The following HOXB1 variants were observed in gnomAD, a reference collection of about 807,000 sequenced individuals.
HOXB1 encodes the protein homeobox B1, also known as homeobox protein Hox-B1.
Under a neutral mutation model 26.9 loss-of-function variants are expected in HOXB1, and 13 were observed. That is an observed-to-expected ratio of 0.48 (90% confidence interval 0.31 to 0.77). The LOEUF (loss-of-function observed/expected upper bound fraction) is 0.77. HOXB1 is among the 30% of genes least tolerant of loss of function. The pLI is 0.04. For synonymous variants in HOXB1, 168 were observed against 170.8 expected (o/e 0.98, Z 0.13); for missense variants, 366 against 403.6 (o/e 0.91, Z 0.80).
At position 48,528,835 on chromosome 17, in the gene HOXB1, C is replaced by T. The variant is rs2068413478; in HGVS notation, c.*712G>A. ...CTGGGGGCAGGCCTTGCACGGCGTT[C>T]CAGAAGTCTCTGGAATACCAAGTTC... On this transcript the variant is annotated 3_prime_UTR_variant, in exon 2 of 2. Coordinates refer to ENST00000239174, the MANE Select transcript of HOXB1 (RefSeq NM_002144.4). 1 of 152,142 alleles carries T rather than the reference C, an allele frequency of 6.6e-6. No homozygotes were observed. The highest frequency in any genetic ancestry group is 2.1e-4 in the South Asian group (1 of 4,818). The allele number at this position is 152,142 out of a possible 1,614,324, so 9.4% of individuals were successfully genotyped here.
In HOXB1 at chr17:48,530,023, C is replaced by T. The variant is rs939805050; in HGVS notation, c.578-148G>A. On this transcript the variant is annotated intron_variant, in intron 1 of 1. Coordinates refer to ENST00000239174, the MANE Select transcript of HOXB1 (RefSeq NM_002144.4). The surrounding 1 kb of genome is among the most constrained non-coding windows in gnomAD (Gnocchi z 6.2). ...GTTCCCAGGGACCACCAGGTACCCC[C>T]ATGGTGATCACCAAGTCTGGAGCAG... The T allele has an allele frequency of 8.7e-6, 6 of 687,162 alleles. No individual in the cohort carries two copies. Among genetic ancestry groups the T allele is most frequent in the African/African-American group, 7.2e-5 (4 of 55,570 alleles). 42.6% of individuals were successfully genotyped at this position (687,162 alleles called of 1,614,324 possible).
At chr17:48,529,903 G>T in intron 1 of HOXB1, 28 bp from the exon 2 acceptor site, 1 of 1,520,638 alleles carries the variant, frequency 6.6e-7, no homozygotes, top group South Asian at 1.2e-5. Flanking sequence ...AGAAAGGCCA[G>T]GTCAATTCTC....
chr17:48,529,429 A>G lies in HOXB1; in HGVS notation c.*118T>C. ...CCAGGCAGCTCTAAACTGGCATTTC[A>G]GCCCTAGAGAGGATCCCCAGGCCAG... On this transcript the variant is annotated 3_prime_UTR_variant, in exon 2 of 2. Coordinates refer to ENST00000239174, the MANE Select transcript of HOXB1 (RefSeq NM_002144.4). 1 of 688,616 alleles carries G rather than the reference A, an allele frequency of 1.5e-6. No individual in the cohort carries two copies. Among genetic ancestry groups the G allele is most frequent in the Non-Finnish European group, 2.2e-6 (1 of 455,684 alleles). 42.7% of individuals were successfully genotyped at this position (688,616 alleles called of 1,614,324 possible).
chr17:48,530,501 C>T lies in HOXB1; in HGVS notation c.404G>A (p.Gly135Glu). 6.2e-7 allele frequency: 1 copy of T among 1,614,048 alleles called. No individual in the cohort carries two copies. Among genetic ancestry groups the T allele is most frequent in the Non-Finnish European group, 8.5e-7 (1 of 1,179,950 alleles). Residue 135 changes from glycine (G) to glutamate (E), a missense_variant, in exon 1 of 2, where the codon GGG becomes GAG. Gly to Glu is a moderately conservative substitution (Grantham distance 98). Coordinates refer to ENST00000239174, the MANE Select transcript of HOXB1 (RefSeq NM_002144.4). The surrounding 1 kb of genome is among the most constrained non-coding windows in gnomAD (Gnocchi z 6.2). ...AGGGGGATGCTGCGGAGGATATGGCCCCGGACCGGCTCCACCTGCTCCGTA... is the reference window on the plus strand; with the variant it reads ...AGGGGGATGCTGCGGAGGATATGGCTCCGGACCGGCTCCACCTGCTCCGTA... ...DGYGAGGAGP[G>E]PYPPQHPPYG... is the part of the protein sequence containing the mutation.
rs751611344 is a variant in HOXB1 at position 48,530,444 on chromosome 17, G to A, written c.461C>T (p.Pro154Leu). ...YGNEQTASFA[P>L]AYADLLSEDK... ...CTCGGAGAGGAGATCAGCATAGGCC[G>A]GTGCAAAGCTCGCGGTCTGCTCGTT... The change falls in exon 1 of 2, where the codon CCG (proline) becomes CTG (leucine). Residue 154 changes from proline to leucine, a missense_variant. Transcript: ENST00000239174. This position sits in a 1 kb window ranked among gnomAD's most constrained non-coding sequence, Gnocchi z 6.2. 13 of 1,614,046 alleles carry A rather than the reference G, an allele frequency of 8.1e-6. No homozygotes were observed. The highest frequency in any genetic ancestry group is 3.3e-5 in the Admixed American group (2 of 60,002).
chr17:48,530,598 G>C lies in HOXB1; in HGVS notation c.307C>G (p.Gln103Glu), dbSNP rs754648348. 10 of 1,614,038 alleles carry C rather than the reference G, an allele frequency of 6.2e-6. No individual in the cohort carries two copies. The highest frequency in any genetic ancestry group is 8.5e-6 in the Non-Finnish European group (10 of 1,179,986). Residue 103 changes from glutamine to glutamate, a missense_variant, in exon 1 of 2, where the codon CAA becomes GAA. Coordinates refer to ENST00000239174, the MANE Select transcript of HOXB1 (RefSeq NM_002144.4). This position sits in a 1 kb window ranked among gnomAD's most constrained non-coding sequence, Gnocchi z 6.2. ...YGPSQYYPLG[Q>E]SEGDGGYFHP... ...AAATAGCCTCCGTCTCCTTCTGATT[G>C]ACCCAGAGGGTAGTACTGAGAAGGC...
rs1393885598 is a variant in HOXB1 at position 48,529,644 on chromosome 17, G to T, written c.809C>A (p.Pro270Gln). The T allele has an allele frequency of 6.2e-7, 1 of 1,607,948 alleles. No homozygotes were observed. Among genetic ancestry groups the T allele is most frequent in the Non-Finnish European group, 8.5e-7 (1 of 1,175,538 alleles). Residue 270 changes from proline to glutamine, a missense_variant, in exon 2 of 2, where the codon CCA becomes CAA. By Grantham distance (76) the Pro-to-Gln change is moderately conservative (BLOSUM62 -1). Coordinates refer to ENST00000239174, the MANE Select transcript of HOXB1 (RefSeq NM_002144.4). ...CTCCTTGGGGCAGCCTGGTGGGGCT[G>T]GGGGGACCCGACCTTCCTCTCGCTC... ...KREREEGRVP[P>Q]APPGCPKEAA... is the part of the protein sequence containing the mutation.
In HOXB1 at chr17:48,529,428, C is replaced by A. The variant is rs1306333436; in HGVS notation, c.*119G>T. 36 of 596,966 alleles carry A rather than the reference C, an allele frequency of 6.0e-5. No individual in the cohort carries two copies. The highest frequency in any genetic ancestry group is 7.7e-5 in the Admixed American group (2 of 25,960). 37.0% of individuals were successfully genotyped at this position (596,966 alleles called of 1,614,324 possible). ...CCCAGGCAGCTCTAAACTGGCATTT[C>A]AGCCCTAGAGAGGATCCCCAGGCCA... On this transcript the variant is annotated 3_prime_UTR_variant, in exon 2 of 2. Transcript: ENST00000239174.
At chr17:48,529,940 C>A in intron 1 of HOXB1, 65 bp from the exon 2 acceptor site, 5 of 1,381,416 alleles carry the variant, frequency 3.6e-6, no homozygotes, top group Non-Finnish European at 3.9e-6. Context: ...CCGCTTCCCT[C>A]CTCCCGGGGC....
In HOXB1 at chr17:48,530,696, G is replaced by C. The variant is rs1370259338; in HGVS notation, c.209C>G (p.Ser70Trp). The C allele has an allele frequency of 1.2e-6, 2 of 1,612,852 alleles. No individual in the cohort carries two copies. The highest frequency in any genetic ancestry group is 3.3e-5 in the Admixed American group (2 of 59,934). The change falls in exon 1 of 2, where the codon TCG (serine) becomes TGG (tryptophan). Residue 70 changes from serine (S) to tryptophan (W), a missense_variant. Coordinates refer to ENST00000239174, the MANE Select transcript of HOXB1 (RefSeq NM_002144.4). The surrounding 1 kb of genome is among the most constrained non-coding windows in gnomAD (Gnocchi z 6.2). ...GCTGGGGAAGGGCACCCCCAGGGTC[G>C]AAGGCGGCTGCTGGGCGGGATAGCC... is the stretch of plus-strand genomic sequence containing the variant. ...NSGYPAQQPP[S>W]TLGVPFPSSA...
chr17:48,529,597 G>T lies in HOXB1; in HGVS notation c.856C>A (p.Gln286Lys). The change falls in exon 2 of 2, where the codon CAG (glutamine) becomes AAG (lysine). Residue 286 changes from glutamine (Q) to lysine (K), a missense_variant. Gln to Lys is a moderately conservative substitution (Grantham distance 53). Coordinates refer to ENST00000239174, the MANE Select transcript of HOXB1 (RefSeq NM_002144.4). ...PKEAAGDASD[Q>K]STCTSPEASP... ...GCTTCCGGGGAGGTGCATGTCGACT[G>T]GTCTGAGGCATCTCCAGCTGCCTCC... The T allele has an allele frequency of 6.3e-7, 1 of 1,575,032 alleles. No individual in the cohort carries two copies. The highest frequency in any genetic ancestry group is 1.4e-5 in the African/African-American group (1 of 74,050).
rs182874613 is a variant in HOXB1, at chr17:48,530,927, G to T, written c.-23C>A. The T allele has an allele frequency of 1.4e-6, 2 of 1,475,778 alleles. No homozygotes were observed. The highest frequency in any genetic ancestry group is 2.8e-5 in the African/African-American group (2 of 70,992). The allele number at this position is 1,475,778 out of a possible 1,614,324, so 91.4% of individuals were successfully genotyped here. On this transcript the variant is annotated 5_prime_UTR_variant, in exon 1 of 2. Transcript: ENST00000239174. The surrounding 1 kb of genome is among the most constrained non-coding windows in gnomAD (Gnocchi z 6.2). ...CATGCGTCAAGGCCGCAGGAGGGTCGGCCCGTTTGGGGGAGACACCCTCTT... is the reference window on the plus strand; with the variant it reads ...CATGCGTCAAGGCCGCAGGAGGGTCTGCCCGTTTGGGGGAGACACCCTCTT...
Position 48,530,301 on chromosome 17 carries a change from G to A in HOXB1, c.577+27C>T, listed in dbSNP as rs758414632. 1 of 1,587,198 alleles carries A rather than the reference G, an allele frequency of 6.3e-7. No homozygotes were observed. Among genetic ancestry groups the A allele is most frequent in the South Asian group, 1.1e-5 (1 of 89,306 alleles). ...AAGCAGAGATGCTTTGGGCCCCGGA[G>A]AAGGGGTGGCCACATCTGAGCCCTA... On this transcript the variant is annotated intron_variant, in intron 1 of 1. Transcript: ENST00000239174. The surrounding 1 kb of genome is among the most constrained non-coding windows in gnomAD (Gnocchi z 6.2).
chr17:48,531,002 G>T lies in HOXB1; in HGVS notation c.-98C>A. 1.2e-6 allele frequency: 1 copy of T among 842,906 alleles called. No homozygotes were observed. The highest frequency in any genetic ancestry group is 1.8e-6 in the Non-Finnish European group (1 of 555,296). 52.2% of individuals were successfully genotyped at this position (842,906 alleles called of 1,614,324 possible). On this transcript the variant is annotated 5_prime_UTR_variant, in exon 1 of 2. Transcript: ENST00000239174. ...TCACAGCGCTGGGGCTCGAATCCAT[G>T]GCCTGACCCGCTCGCCTGGGCAAGC...
At position 48,529,877 on chromosome 17, in the gene HOXB1, T is replaced by TAGGGGCGGGGCAGGGAGA; in HGVS notation, c.578-20_578-3dup. On this transcript the variant is annotated splice_polypyrimidine_tract_variant and splice_region_variant and intron_variant, in intron 1 of 1. Transcript: ENST00000239174. ...CCAGGCCTGGCTCTGACACCTTCGCTAGGGGCGGGGCAGGGAGAAAGGCCA... is the reference window on the plus strand; with the variant it reads ...CCAGGCCTGGCTCTGACACCTTCGCTAGGGGCGGGGCAGGGAGAAGGGGCGGGGCAGGGAGAAAGGCCA... 2 of 1,573,136 alleles carry TAGGGGCGGGGCAGGGAGA rather than the reference T, an allele frequency of 1.3e-6. No homozygotes were observed. The highest frequency in any genetic ancestry group is 1.7e-6 in the Non-Finnish European group (2 of 1,161,766).
In HOXB1 at chr17:48,529,338, C is replaced by G. The variant is rs1219500932; in HGVS notation, c.*209G>C. On this transcript the variant is annotated 3_prime_UTR_variant, in exon 2 of 2. Transcript: ENST00000239174. ...GACAGGTTCCATGCCTCCCAGGCCT[C>G]TGGTCCTGTAGGGCCCCCAGCCACC... 9.5e-6 allele frequency: 4 copies of G among 421,406 alleles called. No individual in the cohort carries two copies. The highest frequency in any genetic ancestry group is 1.7e-5 in the Non-Finnish European group (4 of 239,654). 26.1% of individuals were successfully genotyped at this position (421,406 alleles called of 1,614,324 possible).
rs949188255 is a variant in HOXB1 at position 48,529,095 on chromosome 17, C to G, written c.*452G>C. On this transcript the variant is annotated 3_prime_UTR_variant, in exon 2 of 2. Transcript: ENST00000239174. ...TGGCTGCACCCAAACACCTCCCACA[C>G]AAGAAAATTTAAGGTTCTGTGTCAG... 2 of 154,246 alleles carry G rather than the reference C, an allele frequency of 1.3e-5. No individual in the cohort carries two copies. Among genetic ancestry groups the G allele is most frequent in the African/African-American group, 4.8e-5 (2 of 41,400 alleles). The allele number at this position is 154,246 out of a possible 1,614,324, so 9.6% of individuals were successfully genotyped here.
In HOXB1 at chr17:48,529,310, T is replaced by G; in HGVS notation, c.*237A>C. 2 of 376,290 alleles carry G rather than the reference T, an allele frequency of 5.3e-6. No homozygotes were observed. The highest frequency in any genetic ancestry group is 2.1e-5 in the African/African-American group (1 of 48,240). The allele number at this position is 376,290 out of a possible 1,614,324, so 23.3% of individuals were successfully genotyped here. A position where few individuals can be genotyped will look rare whatever the true frequency, so the allele number is the denominator to read the frequency against. On this transcript the variant is annotated 3_prime_UTR_variant, in exon 2 of 2. Coordinates refer to ENST00000239174, the MANE Select transcript of HOXB1 (RefSeq NM_002144.4). ...AAAGGCAGAAGCCCTTCCCTCTACATTTGACAGGTTCCATGCCTCCCAGGC... is the reference window on the plus strand; with the variant it reads ...AAAGGCAGAAGCCCTTCCCTCTACAGTTGACAGGTTCCATGCCTCCCAGGC...
rs1046749207 is a variant in HOXB1 at position 48,529,741 on chromosome 17, C to T, written c.712G>A (p.Ala238Thr). ...LSRARRVEIA[A>T]TLELNETQVK... is the part of the protein sequence containing the mutation. ...TGTGTTTCATTGAGCTCCAGGGTGG[C>T]GGCAATCTCCACCCTCCGGGCCCGG... Residue 238 changes from alanine to threonine, a missense_variant, in exon 2 of 2, where the codon GCC becomes ACC. Coordinates refer to ENST00000239174, the MANE Select transcript of HOXB1 (RefSeq NM_002144.4). 1.4e-5 allele frequency: 22 copies of T among 1,611,638 alleles called. No homozygotes were observed. The highest frequency in any genetic ancestry group is 1.6e-4 in the Middle Eastern group (1 of 6,080).
Sources: gnomAD v4.1 joint callset for allele counts on GRCh38, gnomAD v4.1.1 for gene constraint, Gnocchi (gnomAD v3.1) non-coding constraint, MANE v1.5 for transcripts, NCBI Gene and HGNC (gene_info 2026-07-23, HGNC 2026-07-21) for gene names.